The following MTBP variants were observed in gnomAD, a reference collection of about 807,000 sequenced individuals.
MTBP encodes the protein MDM2 binding protein, also known as mdm2-binding protein.
A neutral mutation model predicts 117.0 loss-of-function variants in MTBP; 101 were observed. The observed-to-expected ratio is 0.86, with a 90% CI of 0.73 to 1.02. The LOEUF is 1.02. Among genes scored for constraint, MTBP ranks in the 50% least tolerant of loss-of-function variants. The pLI is 0.00. For missense variants in MTBP, 970 were observed against 1,030.9 expected (o/e 0.94, Z 0.81); for synonymous variants, 350 against 351.5 (o/e 1.00, Z 0.05).
intron 13 of MTBP, chr8:120,490,814 T>C (rs1468570540): frequency 3.7e-6 from 1 of 271,618 alleles, no homozygotes; most frequent in Non-Finnish European, 6.8e-6. Flanking sequence ...GCAAATTTTG[T>C]ATTTCAAAAT....
At chr8:120,499,212 T>C (rs919314981) in intron 14 of MTBP, among the ~76,000 whole-genome samples, 1 of 152,236 alleles carries the variant, frequency 6.6e-6, no homozygotes, top group Non-Finnish European at 1.5e-5. Context: ...TTTCTTTCCT[T>C]GGACATGTTA....
Position 120,497,412 on chromosome 8 carries a change from G to A in MTBP, c.1467G>A (p.Lys489=), listed in dbSNP as rs146660838. The change falls in exon 14 of 22, where the codon AAG becomes AAA. Residue 489 remains lysine, a synonymous_variant. Coordinates refer to ENST00000305949, the MANE Select transcript of MTBP (RefSeq NM_022045.5). ...EECLKRRKLA[K]QPETVSVAEL... ...TTATAGAAAGACGAAAGTTGGCAAA[G>A]CAGCCTGAAACAGTTTCTGTTGCTG... 3.3e-4 allele frequency: 529 copies of A among 1,603,646 alleles called. 2 individuals are homozygous for A. The African/African-American group carries it at 6.4e-3, about 20-fold the overall frequency.
intron 11 of MTBP, among the ~76,000 whole-genome samples, chr8:120,480,489 T>C (rs556176339): frequency 6.6e-6 from 1 of 152,172 alleles, no homozygotes; most frequent in Non-Finnish European, 1.5e-5. Context: ...CCAGAACAAT[T>C]TTGAAAAGGA....
intron 2 of MTBP, among the ~76,000 whole-genome samples, chr8:120,448,676 T>G (rs1426893995): frequency 6.6e-6 from 1 of 152,202 alleles, no homozygotes; most frequent in Non-Finnish European, 1.5e-5. Flanking sequence ...AATGAAGTCT[T>G]AAACTATGCA....
At position 120,523,339 on chromosome 8, in the gene MTBP, C is replaced by G. The variant is rs1815036336; in HGVS notation, c.*3C>G. ...TAGAAAAGACAAGCAAGAAATGATA[C>G]ATAATCATTCTCTTTAAGACAATTA... On this transcript the variant is annotated 3_prime_UTR_variant, in exon 22 of 22. Transcript: ENST00000305949. 1 of 1,527,502 alleles carries G rather than the reference C, an allele frequency of 6.5e-7. No individual in the cohort carries two copies. Among genetic ancestry groups the G allele is most frequent in the African/African-American group, 1.4e-5 (1 of 72,298 alleles). 94.6% of individuals were successfully genotyped at this position (1,527,502 alleles called of 1,614,324 possible). A position where few individuals can be genotyped will look rare whatever the true frequency, so the allele number is the denominator to read the frequency against.
At chr8:120,477,326 C>A (rs1162440275) in intron 11 of MTBP, among the ~76,000 whole-genome samples, 3 of 152,170 alleles carry the variant, frequency 2.0e-5, no homozygotes, top group Admixed American at 6.5e-5. Flanking sequence ...CAGTACCATT[C>A]AGGACATAGG....
intron 13 of MTBP, among the ~76,000 whole-genome samples, chr8:120,490,915 C>G (rs114046137): frequency 6.6e-6 from 1 of 151,788 alleles, no homozygotes; most frequent in Admixed American, 6.6e-5. Context: ...ATTTTTGTAG[C>G]GGAAGTTGGG....
At chr8:120,453,119 C>A (rs144750832) in intron 4 of MTBP, among the ~76,000 whole-genome samples, 1 of 152,092 alleles carries the variant, frequency 6.6e-6, no homozygotes, top group East Asian at 1.9e-4. Context: ...AAATCATGTC[C>A]TTTTTTATTA....
At chr8:120,493,756 G>T (rs535600240) in intron 13 of MTBP, among the ~76,000 whole-genome samples, 68 of 152,238 alleles carry the variant, frequency 4.5e-4, no homozygotes, top group African/African-American at 1.4e-3. Context: ...CTCCCAAAGT[G>T]CTGGGATTAC....
chr8:120,452,298 C>T (rs1054765665), intron 4 of MTBP: 5 of 151,946 alleles, frequency 3.3e-5, no homozygotes, highest in Non-Finnish European at 7.4e-5. Flanking sequence ...TTCCTTTTTC[C>T]AGATCATATT....
intron 11 of MTBP, chr8:120,471,513 G>A (rs569054458): frequency 6.6e-6 from 1 of 152,218 alleles, no homozygotes; most frequent in Admixed American, 6.6e-5. Context: ...ATGTTGGCCA[G>A]GCTGGTCTCG....
chr8:120,473,652 C>T (rs1004159988), intron 11 of MTBP: 1 of 152,106 alleles, frequency 6.6e-6, no homozygotes, highest in Non-Finnish European at 1.5e-5. Flanking sequence ...GACATTATTA[C>T]TGTAACTTAC....
chr8:120,489,829 G>C (rs1814305604), intron 12 of MTBP, among the ~76,000 whole-genome samples: 1 of 152,140 alleles, frequency 6.6e-6, no homozygotes, highest in Non-Finnish European at 1.5e-5. Context: ...AAGGCAGCCT[G>C]ACCTGGCTTC....
At chr8:120,464,666 T>C (rs1190726738) in intron 10 of MTBP, among the ~76,000 whole-genome samples, 1 of 152,076 alleles carries the variant, frequency 6.6e-6, no homozygotes, top group African/African-American at 2.4e-5. Flanking sequence ...AAATTTTGGC[T>C]TCTGGCCTCT....
chr8:120,473,258 GA>G (rs1813861368), intron 11 of MTBP: 1 of 152,008 alleles, frequency 6.6e-6, no homozygotes, highest in South Asian at 2.1e-4. Context: ...GTGGTTGGTT[GA>G]ATCCACAGTG....
At chr8:120,449,821 G>A (rs1041401699) in intron 2 of MTBP, among the ~76,000 whole-genome samples, 1 of 152,104 alleles carries the variant, frequency 6.6e-6, no homozygotes, top group African/African-American at 2.4e-5. Context: ...ACTAAAAACC[G>A]CTAGATTTAG....
At chr8:120,518,176 C>A in intron 19 of MTBP, 76 bp downstream of exon 19, 1 of 1,442,934 alleles carries the variant, frequency 6.9e-7, no homozygotes, top group East Asian at 2.4e-5. Flanking sequence ...AAATATATGT[C>A]TAAAAAATTT....
intron 11 of MTBP, among the ~76,000 whole-genome samples, chr8:120,487,936 A>G (rs542250777): frequency 6.6e-6 from 1 of 152,248 alleles, no homozygotes; most frequent in African/African-American, 2.4e-5. Flanking sequence ...GAATGAGTAC[A>G]CATACTTTTA....
intron 15 of MTBP, among the ~76,000 whole-genome samples, chr8:120,503,072 G>A (rs1214624902): frequency 6.6e-6 from 1 of 152,168 alleles, no homozygotes; most frequent in Non-Finnish European, 1.5e-5. Flanking sequence ...TTTTGGTTCA[G>A]TACATAGTAG....
Sources: gnomAD v4.1 joint callset for allele counts (sites outside exome capture counted in the v4.1 genomes callset) on GRCh38, gnomAD v4.1.1 for gene constraint, MANE v1.5 for transcripts, NCBI Gene and HGNC (gene_info 2026-07-23, HGNC 2026-07-21) for gene names.